The following DCLRE1C variants were observed in gnomAD, a reference collection of about 807,000 sequenced individuals.
DCLRE1C encodes protein artemis.
Under a neutral mutation model 61.4 loss-of-function variants are expected in DCLRE1C, and 47 were observed. That is an observed-to-expected ratio of 0.77 (90% CI 0.61 to 0.98). The LOEUF (loss-of-function observed/expected upper bound fraction) is 0.98, where lower values mean the gene tolerates loss of function less well. Ranked by LOEUF, DCLRE1C falls within the 50% of genes least tolerant of loss-of-function variation. The probability of loss-of-function intolerance (pLI) is 0.00; values close to 1 mark genes in which losing one functional copy is unlikely to be tolerated. For missense variants in DCLRE1C, 858 were observed against 816.0 expected (o/e 1.05, Z -0.63); for synonymous variants, 337 against 287.6 (o/e 1.17, Z -1.74).
chr10:14,928,786 G>GT (rs1295642325), intron 9 of DCLRE1C, among the ~76,000 whole-genome samples: 24,396 of 133,416 alleles, frequency 0.18, 2,198 homozygotes, highest in Middle Eastern at 0.21. Flanking sequence ...GGTGTATGGT[G>GT]TTTTTTTTTT....
chr10:14,920,872 C>G (rs1836985131), intron 12 of DCLRE1C, among the ~76,000 whole-genome samples: 1 of 151,910 alleles, frequency 6.6e-6, no homozygotes. Flanking sequence ...ATCACAACTA[C>G]TCACAAGGCT....
chr10:14,939,975 C>G (rs761734373), intron 3 of DCLRE1C, 106 bp from the exon 4 acceptor site: 21 of 812,104 alleles, frequency 2.6e-5, no homozygotes, highest in Admixed American at 2.6e-4. Context: ...TTCAGACTCT[C>G]TATATAAACA....
At chr10:14,937,845 G>A (rs545910607) in intron 4 of DCLRE1C, among the ~76,000 whole-genome samples, 1 of 137,962 alleles carries the variant, frequency 7.2e-6, no homozygotes, top group African/African-American at 2.7e-5. Context: ...AGTGAGCCAA[G>A]ATCGCCCTAC....
At position 14,953,975 on chromosome 10, in the gene DCLRE1C, T is replaced by TG; in HGVS notation, c.35dup (p.Thr13AsnfsTer9). ...TATCGAAGCGGTCTATGGAGATAGTTGGATACTCGGCCATCTGCCCCTCGA... is the reference window on the plus strand; with the variant it reads ...TATCGAAGCGGTCTATGGAGATAGTTGGGATACTCGGCCATCTGCCCCTCGA... On this transcript the variant is annotated frameshift_variant, in exon 1 of 14. Transcript: ENST00000378278. LOFTEE classifies it high-confidence loss of function. 6.2e-7 allele frequency: 1 copy of TG among 1,614,074 alleles called. No individual in the cohort carries two copies. Among genetic ancestry groups the TG allele is most frequent in the Non-Finnish European group, 8.5e-7 (1 of 1,179,932 alleles).
At chr10:14,928,394 A>G (rs1412135544) in intron 9 of DCLRE1C, among the ~76,000 whole-genome samples, 1 of 152,214 alleles carries the variant, frequency 6.6e-6, no homozygotes, top group Non-Finnish European at 1.5e-5. Context: ...AAAAGGCTAG[A>G]CAAACGATCT....
chr10:14,947,441 G>T (rs1841865684), intron 2 of DCLRE1C: 1 of 152,156 alleles, frequency 6.6e-6, no homozygotes, highest in African/African-American at 2.4e-5. Context: ...AATAAGACAT[G>T]ATCAGTGTTA....
intron 13 of DCLRE1C, among the ~76,000 whole-genome samples, chr10:14,913,267 CATA>C (rs1046201941): frequency 1.6e-4 from 24 of 152,340 alleles, no homozygotes; most frequent in South Asian, 6.2e-4. Flanking sequence ...TGGAAATAGA[CATA>C]AAGTTTCTTT....
intron 13 of DCLRE1C, among the ~76,000 whole-genome samples, chr10:14,917,602 T>C (rs918444384): frequency 1.3e-5 from 2 of 152,158 alleles, no homozygotes; most frequent in African/African-American, 4.8e-5. Context: ...GGCAGGCAGA[T>C]TGCTTGAGCT....
intron 10 of DCLRE1C, 111 bp downstream of exon 10, chr10:14,927,905 T>C: frequency 2.7e-6 from 2 of 734,642 alleles, no homozygotes; most frequent in South Asian, 8.1e-5. Context: ...AGAAATTAAT[T>C]ATAATATATA....
At chr10:14,936,488 A>G (rs1446837542) in intron 5 of DCLRE1C, 50 bp downstream of exon 5, 1 of 1,465,656 alleles carries the variant, frequency 6.8e-7, no homozygotes, top group Non-Finnish European at 9.5e-7. Flanking sequence ...TTCTACAAAT[A>G]CAATATGTGT....
chr10:14,934,238 G>C (rs1839499249), intron 8 of DCLRE1C, 142 bp downstream of exon 8: 1 of 1,217,380 alleles, frequency 8.2e-7, no homozygotes. Flanking sequence ...TGAGCCAGGA[G>C]AATTGCTTGA....
intron 13 of DCLRE1C, among the ~76,000 whole-genome samples, chr10:14,916,628 C>A (rs1218516479): frequency 6.6e-6 from 1 of 152,324 alleles, no homozygotes; most frequent in East Asian, 1.9e-4. Flanking sequence ...TATATACTAA[C>A]AACAATCAGG....
intron 2 of DCLRE1C, among the ~76,000 whole-genome samples, chr10:14,947,888 C>A (rs1272953793): frequency 6.6e-6 from 1 of 152,026 alleles, no homozygotes; most frequent in Admixed American, 6.6e-5. Context: ...GGTAAAACCC[C>A]TCTCTACCGA....
At chr10:14,946,100 C>G (rs1452662552) in intron 2 of DCLRE1C, among the ~76,000 whole-genome samples, 1 of 151,560 alleles carries the variant, frequency 6.6e-6, no homozygotes, top group Non-Finnish European at 1.5e-5. Context: ...CTTCCGCCTC[C>G]CGGGTTCAAG....
chr10:14,902,415 A>G (rs1437566196), downstream of DCLRE1C: 2 of 1,606,820 alleles, frequency 1.2e-6, no homozygotes, highest in East Asian at 2.2e-5. Flanking sequence ...GGTTCTGGAG[A>G]TATATCTTCA....
chr10:14,898,696 G>A (rs1031017946), exon 14 of DCLRE1C: 2 of 152,260 alleles, frequency 1.3e-5, no homozygotes, highest in Non-Finnish European at 2.9e-5. Context: ...TTCTTAAGCC[G>A]AGCGTGTCAT....
intron 5 of DCLRE1C, 34 bp from the exon 6 acceptor site, chr10:14,935,598 T>A: frequency 6.3e-7 from 1 of 1,599,182 alleles, no homozygotes; most frequent in Non-Finnish European, 8.6e-7. Context: ...GACTTCTGAG[T>A]CTCATATAAA....
intron 11 of DCLRE1C, among the ~76,000 whole-genome samples, chr10:14,925,478 A>G (rs566597982): frequency 6.6e-6 from 1 of 152,320 alleles, no homozygotes; most frequent in African/African-American, 2.4e-5. Context: ...ATTAGCAAAT[A>G]CTGAGCCATT....
At chr10:14,898,816 T>C (rs1697721334) in exon 14 of DCLRE1C, 3 of 164,876 alleles carry the variant, frequency 1.8e-5, no homozygotes, top group African/African-American at 7.1e-5. Flanking sequence ...AAAGTTAACA[T>C]AGCTTCTCCC....
Sources: allele counts gnomAD v4.1 joint callset (sites outside exome capture counted in the v4.1 genomes callset), GRCh38; gene constraint gnomAD v4.1.1; transcripts MANE v1.5; gene names NCBI Gene and HGNC (gene_info 2026-07-23, HGNC 2026-07-21).